The following PLEKHD1 variants were observed in gnomAD, a reference collection of about 807,000 sequenced individuals.
PLEKHD1 encodes pleckstrin homology domain-containing family D member 1.
Under a neutral mutation model 69.2 loss-of-function variants are expected in PLEKHD1, and 51 were observed. That is an observed-to-expected ratio of 0.74 (90% CI 0.59 to 0.93). The LOEUF (loss-of-function observed/expected upper bound fraction) is 0.93, where lower values mean the gene tolerates loss of function less well. PLEKHD1 is among the 40% of genes least tolerant of loss of function. PLEKHD1 has a pLI of 0.00. For missense variants in PLEKHD1, 584 were observed against 641.0 expected (o/e 0.91, Z 0.96); for synonymous variants, 236 against 244.7 (o/e 0.96, Z 0.33).
intron 1 of PLEKHD1, among the ~76,000 whole-genome samples, chr14:69,487,276 G>T (rs575474092): frequency 3.3e-5 from 5 of 152,134 alleles, no homozygotes; most frequent in Admixed American, 1.3e-4. Flanking sequence ...GCCTGGGTGT[G>T]GGGGAGAAAG....
At chr14:69,515,460 TA>T (rs1883364090) in intron 6 of PLEKHD1, among the ~76,000 whole-genome samples, 2 of 152,334 alleles carry the variant, frequency 1.3e-5, no homozygotes, top group Non-Finnish European at 2.9e-5. Flanking sequence ...TCTGCCTCAT[TA>T]ATGTGACTCT....
At chr14:69,522,037 T>C (rs959823421) in intron 6 of PLEKHD1, among the ~76,000 whole-genome samples, 4 of 152,234 alleles carry the variant, frequency 2.6e-5, no homozygotes, top group Non-Finnish European at 4.4e-5. Flanking sequence ...GGAGTGTTCC[T>C]AAACCCAGTC....
intron 6 of PLEKHD1, among the ~76,000 whole-genome samples, chr14:69,507,676 T>G (rs1007751700): frequency 2.9e-4 from 44 of 152,188 alleles, no homozygotes; most frequent in African/African-American, 1.0e-3. Context: ...GCATTTGGTG[T>G]TGTCAGGGAT....
At chr14:69,483,455 G>T (rs926587198), upstream of PLEKHD1, among the ~76,000 whole-genome samples, 5 of 152,100 alleles carry the variant, frequency 3.3e-5, no homozygotes, top group African/African-American at 1.2e-4. Flanking sequence ...TGGTAAGAAT[G>T]ATACAAGTGG....
chr14:69,524,361 G>T, intron 8 of PLEKHD1, 39 bp downstream of exon 8: 2 of 1,511,684 alleles, frequency 1.3e-6, no homozygotes, highest in Non-Finnish European at 1.8e-6. Flanking sequence ...CAGGTGGCAG[G>T]CTGGTTGGTT....
chr14:69,528,155 T>C (rs1309718172), intron 12 of PLEKHD1, 95 bp from the exon 13 acceptor site: 1 of 1,468,592 alleles, frequency 6.8e-7, no homozygotes, highest in Admixed American at 2.1e-5. Context: ...TTGGCACACA[T>C]AAAGGAGTGA....
intron 6 of PLEKHD1, among the ~76,000 whole-genome samples, chr14:69,516,595 A>T (rs1883389463): frequency 1.3e-5 from 2 of 152,062 alleles, no homozygotes; most frequent in South Asian, 4.2e-4. Context: ...TCTATTTTTG[A>T]TCCTTCTTCC....
chr14:69,484,578 G>A (rs1882609342), upstream of PLEKHD1: 1 of 163,684 alleles, frequency 6.1e-6, no homozygotes, highest in African/African-American at 2.4e-5. Flanking sequence ...CGCCCGCCCT[G>A]ATTGGCGCCC....
In PLEKHD1 at chr14:69,530,411, T is replaced by G. The variant is rs1033195463; in HGVS notation, c.*1992T>G. On this transcript the variant is annotated 3_prime_UTR_variant, in exon 13 of 13. Transcript: ENST00000322564. ...TAAACGTGTATAACATGCATAAACCTGGAACTTGTTTCTCTAACACGTATG... is the reference window on the plus strand; with the variant it reads ...TAAACGTGTATAACATGCATAAACCGGGAACTTGTTTCTCTAACACGTATG... The G allele has an allele frequency of 2.0e-5, 3 of 152,224 alleles. No individual in the cohort carries two copies. The highest frequency in any genetic ancestry group is 6.5e-5 in the Admixed American group (1 of 15,284). 9.4% of individuals were successfully genotyped at this position (152,224 alleles called of 1,614,324 possible). A position where few individuals can be genotyped will look rare whatever the true frequency, so the allele number is the denominator to read the frequency against.
chr14:69,493,028 AAG>A (rs1418876281), intron 1 of PLEKHD1, among the ~76,000 whole-genome samples: 2 of 152,204 alleles, frequency 1.3e-5, no homozygotes, highest in Non-Finnish European at 2.9e-5. Flanking sequence ...TGGTCCCACA[AAG>A]TACTGGGATT....
the PLEKHD1 span, among the ~76,000 whole-genome samples, chr14:69,471,358 G>A: frequency 6.6e-6 from 1 of 151,828 alleles, no homozygotes; most frequent in East Asian, 1.9e-4. Context: ...GGATCCTCCC[G>A]TCTTGACCTC....
At chr14:69,498,737 T>C (rs1882953926) in intron 1 of PLEKHD1, among the ~76,000 whole-genome samples, 1 of 151,808 alleles carries the variant, frequency 6.6e-6, no homozygotes, top group Non-Finnish European at 1.5e-5. Flanking sequence ...AACCTCTGCA[T>C]CCTGGGTTCA....
chr14:69,509,884 G>A (rs1045014499), intron 6 of PLEKHD1, among the ~76,000 whole-genome samples: 1 of 151,788 alleles, frequency 6.6e-6, no homozygotes, highest in African/African-American at 2.4e-5. Context: ...GTTGCTGTGA[G>A]CCAAGATCAC....
chr14:69,482,122 A>G (rs1056848845), upstream of PLEKHD1, among the ~76,000 whole-genome samples: 1 of 152,208 alleles, frequency 6.6e-6, no homozygotes, highest in African/African-American at 2.4e-5. Flanking sequence ...AACTGCTATT[A>G]TCTGAGGTCT....
At chr14:69,472,708 G>T in the PLEKHD1 span, among the ~76,000 whole-genome samples, 3 of 152,208 alleles carry the variant, frequency 2.0e-5, no homozygotes, top group Non-Finnish European at 4.4e-5. Flanking sequence ...TAGCCTAGGA[G>T]CAATAGGCTG....
chr14:69,517,453 C>T (rs1342022590), intron 6 of PLEKHD1, among the ~76,000 whole-genome samples: 1 of 150,570 alleles, frequency 6.6e-6, no homozygotes. Flanking sequence ...ACATAAATGG[C>T]AAATGAAGCA....
chr14:69,488,481 T>C (rs1239212820), intron 1 of PLEKHD1, among the ~76,000 whole-genome samples: 1 of 152,300 alleles, frequency 6.6e-6, no homozygotes, highest in East Asian at 1.9e-4. Flanking sequence ...CAGCTGGCTG[T>C]GTGAGGTATC....
chr14:69,522,794 T>C lies in PLEKHD1; in HGVS notation c.650+417T>C, dbSNP rs144011991. On this transcript the variant is annotated intron_variant, in intron 7 of 12. Transcript: ENST00000322564. ...GTGTCATTTGAGAACTTTAGTACCA[T>C]GTATTGTTTGTAAACCTAGTTGTAC... 2.1e-3 allele frequency among the ~76,000 whole-genome samples: 326 copies of C among 152,258 alleles called. 1 individual carries two copies. The highest frequency in any genetic ancestry group is 3.5e-3 in the Non-Finnish European group (236 of 68,010).
chr14:69,499,924 C>A (rs1433755216), intron 1 of PLEKHD1, among the ~76,000 whole-genome samples, 191 bp from the exon 2 acceptor site: 1 of 152,138 alleles, frequency 6.6e-6, no homozygotes, highest in Non-Finnish European at 1.5e-5. Flanking sequence ...AGGGGCCCAG[C>A]TGCCTGTGGG....
Sources: allele counts gnomAD v4.1 joint callset (sites outside exome capture counted in the v4.1 genomes callset), GRCh38; gene constraint gnomAD v4.1.1; transcripts MANE v1.5; gene names NCBI Gene and HGNC (gene_info 2026-07-23, HGNC 2026-07-21).